The following GRK3 variants were observed in gnomAD, a reference collection of about 807,000 sequenced individuals.
GRK3 encodes adrenergic, beta, receptor kinase 2.
A neutral mutation model predicts 95.7 loss-of-function variants in GRK3; 54 were observed. The observed-to-expected ratio is 0.56, with a 90% CI of 0.45 to 0.71. GRK3 has a LOEUF of 0.71. Ranked by LOEUF, GRK3 falls within the 30% of genes least tolerant of loss-of-function variation. GRK3 has a pLI of 0.00. For missense variants in GRK3, 649 were observed against 851.2 expected (o/e 0.76, Z 2.96); for synonymous variants, 281 against 290.8 (o/e 0.97, Z 0.34).
At chr22:25,681,023 C>T (rs528577090) in intron 9 of GRK3, among the ~76,000 whole-genome samples, 12 of 151,902 alleles carry the variant, frequency 7.9e-5, no homozygotes, top group African/African-American at 2.4e-4. Flanking sequence ...GTACTGTTCC[C>T]GGTTTTCTTC....
intron 3 of GRK3, among the ~76,000 whole-genome samples, chr22:25,658,976 T>C (rs376300863): frequency 1.1e-4 from 17 of 152,108 alleles, no homozygotes; most frequent in South Asian, 4.1e-4. Context: ...GTCAAATAGA[T>C]AGTTAGATAT....
At chr22:25,627,807 C>T (rs1349643757) in intron 2 of GRK3, among the ~76,000 whole-genome samples, 1 of 152,206 alleles carries the variant, frequency 6.6e-6, no homozygotes, top group Non-Finnish European at 1.5e-5. Context: ...TCAAAGGCCA[C>T]TGTCATGTTT....
At chr22:25,585,297 G>A (rs1266775867) in intron 1 of GRK3, among the ~76,000 whole-genome samples, 9 of 152,388 alleles carry the variant, frequency 5.9e-5, no homozygotes, top group Middle Eastern at 6.8e-3. Flanking sequence ...CTATGTAACC[G>A]CAATAGAGGT....
At chr22:25,590,159 A>G (rs1569155679) in intron 1 of GRK3, among the ~76,000 whole-genome samples, 1 of 152,192 alleles carries the variant, frequency 6.6e-6, no homozygotes. Context: ...GAGATCATAT[A>G]TATAATTTCA....
At chr22:25,591,339 C>G (rs1932481340) in intron 1 of GRK3, among the ~76,000 whole-genome samples, 2 of 152,192 alleles carry the variant, frequency 1.3e-5, no homozygotes. Flanking sequence ...CTTCCCATCT[C>G]ATGATGTGTT....
In GRK3 at chr22:25,724,737, T is replaced by C. The variant is rs1467292550; in HGVS notation, c.*2287T>C. On this transcript the variant is annotated 3_prime_UTR_variant, in exon 21 of 21. Coordinates refer to ENST00000324198, the MANE Select transcript of GRK3 (RefSeq NM_005160.4). The stretch of plus-strand genomic sequence containing the variant: ...GGTTTGAGTGCCTTCTGCCAAAATG[T>C]TGTGATGGAGGTGTTTCTGCGACCA... The C allele has an allele frequency of 6.6e-6, 1 of 152,170 alleles. No individual in the cohort carries two copies. The highest frequency in any genetic ancestry group is 1.5e-5 in the Non-Finnish European group (1 of 68,044). 9.4% of individuals were successfully genotyped at this position (152,170 alleles called of 1,614,324 possible).
chr22:25,611,860 TCTCA>T (rs1188804115), intron 2 of GRK3, among the ~76,000 whole-genome samples: 9 of 140,156 alleles, frequency 6.4e-5, no homozygotes, highest in Admixed American at 1.5e-4. Flanking sequence ...TGAGATGGAG[TCTCA>T]CTCTGTCACT....
At chr22:25,700,874 G>A (rs1396140438) in intron 13 of GRK3, among the ~76,000 whole-genome samples, 5 of 152,190 alleles carry the variant, frequency 3.3e-5, no homozygotes, top group African/African-American at 4.8e-5. Context: ...GTGACCCACC[G>A]CGCCCGGCCT....
chr22:25,614,017 T>C (rs2331083), intron 2 of GRK3, among the ~76,000 whole-genome samples: 1 of 152,072 alleles, frequency 6.6e-6, no homozygotes, highest in Non-Finnish European at 1.5e-5. Context: ...AAAAAAAAAT[T>C]CAGAAAAGCT....
chr22:25,664,293 C>T (rs2084927458), intron 5 of GRK3, among the ~76,000 whole-genome samples: 1 of 152,160 alleles, frequency 6.6e-6, no homozygotes, highest in Non-Finnish European at 1.5e-5. Context: ...GTTTCACTTC[C>T]TCCCAAAAGC....
chr22:25,578,357 A>T (rs987166801), intron 1 of GRK3, among the ~76,000 whole-genome samples: 1 of 152,190 alleles, frequency 6.6e-6, no homozygotes, highest in Non-Finnish European at 1.5e-5. Flanking sequence ...GGCCAGAAGA[A>T]GGGGTTTCCA....
intron 1 of GRK3, among the ~76,000 whole-genome samples, chr22:25,578,859 A>G (rs1932002343): frequency 1.3e-5 from 2 of 152,118 alleles, no homozygotes; most frequent in Non-Finnish European, 2.9e-5. Flanking sequence ...AAGAGAGTCA[A>G]TTTCTGCTTG....
chr22:25,670,448 C>T (rs1188919448), intron 6 of GRK3, among the ~76,000 whole-genome samples: 6 of 151,912 alleles, frequency 3.9e-5, no homozygotes, highest in African/African-American at 1.2e-4. Context: ...TTGTATCGAC[C>T]TAGGATTGCA....
At chr22:25,620,758 T>C (rs528489534) in intron 2 of GRK3, among the ~76,000 whole-genome samples, 18 of 152,284 alleles carry the variant, frequency 1.2e-4, no homozygotes, top group African/African-American at 4.1e-4. Flanking sequence ...GAATGGCGTG[T>C]CCTTGTGTGG....
chr22:25,604,492 G>T, intron 2 of GRK3, 39 bp downstream of exon 2: 3 of 1,462,288 alleles, frequency 2.1e-6, no homozygotes, highest in East Asian at 2.3e-5. Flanking sequence ...GGTAATTTTA[G>T]TGATGAAATT....
At chr22:25,710,033 GT>G (rs1406201432) in intron 16 of GRK3, 69 bp downstream of exon 16, 10 of 1,205,910 alleles carry the variant, frequency 8.3e-6, no homozygotes, top group Non-Finnish European at 1.2e-5. Flanking sequence ...CTCTGTCTCA[GT>G]TTCTGTCTCT....
At chr22:25,690,760 C>A (rs2085159014) in intron 12 of GRK3, among the ~76,000 whole-genome samples, 1 of 151,984 alleles carries the variant, frequency 6.6e-6, no homozygotes, top group African/African-American at 2.4e-5. Flanking sequence ...AAAGGCTTTT[C>A]TTCTTTTTTT....
chr22:25,688,050 C>CA (rs1332783226), intron 11 of GRK3, among the ~76,000 whole-genome samples: 7 of 152,100 alleles, frequency 4.6e-5, no homozygotes, highest in Non-Finnish European at 8.8e-5. Flanking sequence ...TCCTGGCTAA[C>CA]ACAGTGAAAC....
intron 2 of GRK3, among the ~76,000 whole-genome samples, chr22:25,622,322 C>T (rs562282308): frequency 1.4e-4 from 21 of 152,332 alleles, no homozygotes; most frequent in African/African-American, 5.1e-4. Context: ...TCAGCTCCCT[C>T]AGCGTCTGAG....
Sources: gnomAD v4.1 joint callset for allele counts (sites outside exome capture counted in the v4.1 genomes callset) on GRCh38, gnomAD v4.1.1 for gene constraint, MANE v1.5 for transcripts, NCBI Gene and HGNC (gene_info 2026-07-23, HGNC 2026-07-21) for gene names.